The following MTA3 variants were observed in gnomAD, a reference collection of about 807,000 sequenced individuals.
MTA3 encodes metastasis associated 1 family member 3, also known as metastasis-associated protein MTA3.
In MTA3, 34 loss-of-function variants were observed where a neutral mutation model predicts 83.5. That is an observed-to-expected ratio of 0.41 (90% confidence interval 0.31 to 0.54). MTA3 has a LOEUF of 0.54. Among genes scored for constraint, MTA3 ranks in the 20% least tolerant of loss-of-function variants. MTA3 has a pLI of 0.33. For synonymous variants in MTA3, 303 were observed against 252.7 expected (o/e 1.20, Z -1.89); for missense variants, 761 against 726.4 (o/e 1.05, Z -0.55).
In MTA3 at chr2:42,755,716, C is replaced by T; in HGVS notation, c.*2317C>T. 2 of 985,612 alleles carry T rather than the reference C, an allele frequency of 2.0e-6. No individual in the cohort carries two copies. Among genetic ancestry groups the T allele is most frequent in the Non-Finnish European group, 2.4e-6 (2 of 830,082 alleles). 61.1% of individuals were successfully genotyped at this position (985,612 alleles called of 1,614,324 possible). A position where few individuals can be genotyped will look rare whatever the true frequency, so the allele number is the denominator to read the frequency against. On this transcript the variant is annotated 3_prime_UTR_variant, in exon 17 of 17. Coordinates refer to ENST00000405094, the MANE Select transcript of MTA3 (RefSeq NM_001330442.2). ...TGGTGCTGAGAGGGTTTCCCAGCCA[C>T]CCGCTCCCTTTCTGGGGCCATGGTG...
upstream of MTA3, among the ~76,000 whole-genome samples, chr2:42,565,981 C>T (rs1264373114): frequency 6.6e-6 from 1 of 152,048 alleles, no homozygotes; most frequent in African/African-American, 2.4e-5. Context: ...TGCACTCCAG[C>T]CTGGGCAGCG....
At chr2:42,557,391 C>G (rs1310673824) in intron 2 of MTA3, among the ~76,000 whole-genome samples, 1 of 151,878 alleles carries the variant, frequency 6.6e-6, no homozygotes, top group Non-Finnish European at 1.5e-5. Context: ...GTCAGGGCTT[C>G]CAGAAGACGT....
chr2:42,679,529 G>GCA (rs1253901015), intron 8 of MTA3, among the ~76,000 whole-genome samples: 2 of 152,176 alleles, frequency 1.3e-5, no homozygotes, highest in Admixed American at 1.3e-4. Context: ...CTTCTGACTG[G>GCA]CACACACAGT....
rs1349607016 is a variant in MTA3, at chr2:42,570,160, CTT to C, written c.29-272_29-271del. Among the ~76,000 whole-genome samples, 7 of 152,150 alleles carry C rather than the reference CTT, an allele frequency of 4.6e-5. No homozygotes were observed. In the South Asian group the frequency reaches 1.2e-3, roughly 27 times the overall value. ...CTGACTACACAGTGATAAGAGGTGT[CTT>C]TTTTGTTTATTATTAAAGAAATGAC... On this transcript the variant is annotated intron_variant, in intron 1 of 16. Coordinates refer to ENST00000405094, the MANE Select transcript of MTA3 (RefSeq NM_001330442.2).
Position 42,530,371 on chromosome 2 carries a change from C to G in MTA3, c.-141+35117C>G, listed in dbSNP as rs186754167. The stretch of plus-strand genomic sequence containing the variant: ...GCTTGGTGGCGGGCGCATGTAGTCC[C>G]AGCTACTTGGGAGGCTGAGGCTGGA... On this transcript the variant is annotated intron_variant, in intron 2 of 17. Coordinates refer to the MTA3 transcript ENST00000405592. 2.1e-3 allele frequency among the ~76,000 whole-genome samples: 314 copies of G among 152,148 alleles called. 2 individuals carry two copies. The highest frequency in any genetic ancestry group is 7.1e-3 in the African/African-American group (294 of 41,514).
chr2:42,747,235 G>T lies in MTA3; in HGVS notation c.1760-6139G>T, dbSNP rs989095363. On this transcript the variant is annotated intron_variant, in intron 16 of 16. Coordinates refer to ENST00000405094, the MANE Select transcript of MTA3 (RefSeq NM_001330442.2). ...GGCTGGTCTTGAACTCCTGACCTCA[G>T]GTTATCCGCCCACCTCAGCCCCCGA... Among the ~76,000 whole-genome samples the T allele has an allele frequency of 1.2e-4, 19 of 152,150 alleles. 1 individual carries two copies. Among genetic ancestry groups the T allele is most frequent in the Middle Eastern group, 3.4e-3 (1 of 294 alleles).
At chr2:42,615,933 G>A (rs1395441031) in intron 4 of MTA3, among the ~76,000 whole-genome samples, 1 of 151,210 alleles carries the variant, frequency 6.6e-6, no homozygotes, top group Non-Finnish European at 1.5e-5. Flanking sequence ...TGTTCTCCAG[G>A]ATGTTCTTGA....
In MTA3 at chr2:42,586,513, CAA is replaced by C. The variant is rs1553350267; in HGVS notation, c.190+7315_190+7316del. Reference sequence around the variant, plus strand: ...ACACACACACACACACACACACACACAAACACACAAAGGAAGGAAAAACACAC... The same window carrying C: ...ACACACACACACACACACACACACACACACACAAAGGAAGGAAAAACACAC... On this transcript the variant is annotated intron_variant, in intron 3 of 16. Transcript: ENST00000405094. Among the ~76,000 whole-genome samples the C allele has an allele frequency of 9.2e-4, 121 of 131,624 alleles. 1 individual carries two copies. Among genetic ancestry groups the C allele is most frequent in the Non-Finnish European group, 1.4e-3 (83 of 59,984 alleles). 86.4% of individuals were successfully genotyped at this position (131,624 alleles called of 152,430 possible). A position where few individuals can be genotyped will look rare whatever the true frequency, so the allele number is the denominator to read the frequency against.
At chr2:42,509,286 G>A (rs1015487475) in intron 2 of MTA3, among the ~76,000 whole-genome samples, 1 of 151,970 alleles carries the variant, frequency 6.6e-6, no homozygotes, top group Non-Finnish European at 1.5e-5. Context: ...CAAGTGATCC[G>A]CTTGCCTCGG....
At chr2:42,707,829 T>C (rs1197426878) in intron 12 of MTA3, 74 bp from the exon 13 acceptor site, 1 of 1,365,450 alleles carries the variant, frequency 7.3e-7, no homozygotes. Context: ...ATTTTTAAAA[T>C]GTTTGATTAT....
Position 42,536,245 on chromosome 2 carries a change from G to T in MTA3, c.-140-34192G>T, listed in dbSNP as rs371016512. On this transcript the variant is annotated intron_variant, in intron 2 of 17. Transcript: ENST00000405592. ...TCCCAGCACTTTGGGAGGCTGAGATGGGTGGATCACCTGAGGTCGGGAGTT... is the reference window on the plus strand; with the variant it reads ...TCCCAGCACTTTGGGAGGCTGAGATTGGTGGATCACCTGAGGTCGGGAGTT... 2.6e-3 allele frequency among the ~76,000 whole-genome samples: 391 copies of T among 149,998 alleles called. 2 individuals carry two copies. Among genetic ancestry groups the T allele is most frequent in the African/African-American group, 8.2e-3 (333 of 40,838 alleles).
At chr2:42,498,833 T>G (rs1363832459) in intron 2 of MTA3, among the ~76,000 whole-genome samples, 2 of 152,200 alleles carry the variant, frequency 1.3e-5, no homozygotes, top group Non-Finnish European at 2.9e-5. Flanking sequence ...TTAGGGAGTT[T>G]AGCCACAGTA....
intron 2 of MTA3, among the ~76,000 whole-genome samples, chr2:42,513,078 C>G (rs974220171): frequency 6.6e-6 from 1 of 152,186 alleles, no homozygotes; most frequent in African/African-American, 2.4e-5. Flanking sequence ...AATGTTCACT[C>G]TGCCTTTACT....
In MTA3 at chr2:42,707,033, G is replaced by A. The variant is rs185959435; in HGVS notation, c.1151-870G>A. On this transcript the variant is annotated intron_variant, in intron 12 of 16. Coordinates refer to ENST00000405094, the MANE Select transcript of MTA3 (RefSeq NM_001330442.2). The stretch of plus-strand genomic sequence containing the variant: ...GTAACCCAGGCTGGAATGCAGTGGT[G>A]CAATCACAGTGGCCTCAACCTCCCA... Among the ~76,000 whole-genome samples the A allele has an allele frequency of 6.7e-3, 1,007 of 149,436 alleles. 5 individuals are homozygous for A. The highest frequency in any genetic ancestry group is 0.023 in the African/African-American group (914 of 40,508).
At chr2:42,500,960 G>C (rs1446683175) in intron 2 of MTA3, among the ~76,000 whole-genome samples, 7 of 151,944 alleles carry the variant, frequency 4.6e-5, no homozygotes, top group African/African-American at 1.7e-4. Context: ...GCAGGTGCCT[G>C]CCACTACGCC....
At chr2:42,699,586 G>A (rs935090233) in intron 11 of MTA3, among the ~76,000 whole-genome samples, 1 of 152,198 alleles carries the variant, frequency 6.6e-6, no homozygotes, top group Admixed American at 6.5e-5. Context: ...TTGACCTAGA[G>A]TAGTAGCTCT....
chr2:42,647,226 GA>G (rs1320053456), intron 6 of MTA3, among the ~76,000 whole-genome samples: 1 of 150,576 alleles, frequency 6.6e-6, no homozygotes, highest in Non-Finnish European at 1.5e-5. Context: ...ATGCTACAGA[GA>G]AAAACTTTTT....
chr2:42,695,892 T>C, intron 10 of MTA3, 53 bp downstream of exon 10: 1 of 1,209,978 alleles, frequency 8.3e-7, no homozygotes, highest in Non-Finnish European at 1.2e-6. Flanking sequence ...GAACTTTCTG[T>C]TTATATTTTA....
intron 4 of MTA3, among the ~76,000 whole-genome samples, chr2:42,613,009 T>G (rs907892434): frequency 2.0e-5 from 3 of 152,240 alleles, no homozygotes; most frequent in Non-Finnish European, 4.4e-5. Context: ...TAGCTTGAAA[T>G]CTGTTTATAA....
Sources: allele counts gnomAD v4.1 joint callset (sites outside exome capture counted in the v4.1 genomes callset), GRCh38; gene constraint gnomAD v4.1.1; transcripts MANE v1.5; gene names NCBI Gene and HGNC (gene_info 2026-07-23, HGNC 2026-07-21).